Variants in DGKI observed in about 807,000 individuals in gnomAD.
DGKI encodes the protein DAG kinase iota.
A neutral mutation model predicts 147.5 loss-of-function variants in DGKI; 55 were observed. That is an observed-to-expected ratio of 0.37 (90% CI 0.30 to 0.47). The LOEUF is 0.47. Among genes scored for constraint, DGKI ranks in the 20% least tolerant of loss-of-function variants. DGKI has a pLI of 1.00. For synonymous variants in DGKI, 469 were observed against 477.1 expected, an observed-to-expected ratio of 0.98 and a Z score of 0.22; for missense variants, 1,007 against 1,323.8, an observed-to-expected ratio of 0.76 and a Z score of 3.71.
intron 1 of DGKI, among the ~76,000 whole-genome samples, chr7:137,740,762 C>T (rs79228827): frequency 0.012 from 1,880 of 152,312 alleles, 52 homozygotes; most frequent in African/African-American, 0.042. Context: ...ATGCTCAGCA[C>T]ATGACTATAA....
chr7:137,389,970 T>C lies in DGKI; in HGVS notation c.*1250A>G, dbSNP rs1415792494. ...GAATGATCCAGGCATCCCATAAATC[T>C]GGCAGTGGAACTCATACAACAAGCC... On this transcript the variant is annotated 3_prime_UTR_variant, in exon 33 of 33. Coordinates refer to ENST00000614521, the MANE Select transcript of DGKI (RefSeq NM_001321708.2). 2.0e-5 allele frequency: 3 copies of C among 152,198 alleles called. No individual in the cohort carries two copies. The highest frequency in any genetic ancestry group is 4.4e-5 in the Non-Finnish European group (3 of 68,042). 9.4% of individuals were successfully genotyped at this position (152,198 alleles called of 1,614,324 possible). A position where few individuals can be genotyped will look rare whatever the true frequency, so the allele number is the denominator to read the frequency against.
rs575373021 is a variant in DGKI at position 137,558,679 on chromosome 7, T to C, written c.1948-6111A>G. 6.9e-4 allele frequency among the ~76,000 whole-genome samples: 84 copies of C among 121,444 alleles called. 2 individuals carry two copies. The highest frequency in any genetic ancestry group is 3.3e-3 in the African/African-American group (81 of 24,778). 79.7% of individuals were successfully genotyped at this position (121,444 alleles called of 152,430 possible). A position where few individuals can be genotyped will look rare whatever the true frequency, so the allele number is the denominator to read the frequency against. ...TATTGTCCACACTAATAAATATTTA[T>C]AGCAAAAATAATTCGATAAATTCAG... On this transcript the variant is annotated intron_variant, in intron 19 of 32. Transcript: ENST00000614521.
intron 1 of DGKI, among the ~76,000 whole-genome samples, chr7:137,817,415 C>T (rs556958284): frequency 2.8e-4 from 43 of 152,244 alleles, no homozygotes; most frequent in Non-Finnish European, 5.7e-4. Flanking sequence ...GATATATATA[C>T]CTATAACTCT....
In DGKI at chr7:137,576,004, G is replaced by T. The variant is rs1585247089; in HGVS notation, c.1761+1218C>A. On this transcript the variant is annotated intron_variant, in intron 17 of 32. Coordinates refer to ENST00000614521, the MANE Select transcript of DGKI (RefSeq NM_001321708.2). ...TTCTCTATTTTCATGTATATATTTT[G>T]TTCTGTTCTCTCTTGTCAAAATTAA... Among the ~76,000 whole-genome samples the T allele has an allele frequency of 4.2e-5, 6 of 143,578 alleles. No homozygotes were observed. The South Asian group carries it at 6.8e-4, about 16-fold the overall frequency. 94.2% of individuals were successfully genotyped at this position (143,578 alleles called of 152,430 possible).
At chr7:137,619,796 C>T in intron 8 of DGKI, 28 bp downstream of exon 8, 1 of 1,559,428 alleles carries the variant, frequency 6.4e-7, no homozygotes, top group African/African-American at 1.4e-5. Flanking sequence ...CTGCACTGGC[C>T]CAGCAGCACC....
chr7:137,764,180 G>A (rs1446049348), intron 1 of DGKI, among the ~76,000 whole-genome samples: 2 of 151,994 alleles, frequency 1.3e-5, no homozygotes, highest in Non-Finnish European at 2.9e-5. Context: ...ATTCCTTAAA[G>A]TGCCCCTCCC....
chr7:137,517,237 G>A (rs1179741575), intron 21 of DGKI, among the ~76,000 whole-genome samples: 1 of 103,870 alleles, frequency 9.6e-6, no homozygotes, highest in Non-Finnish European at 1.9e-5. Flanking sequence ...AAGAAAGAAA[G>A]AAAGAAAGAA....
intron 7 of DGKI, among the ~76,000 whole-genome samples, chr7:137,621,544 G>A (rs75654375): frequency 0.014 from 2,180 of 152,272 alleles, 107 homozygotes; most frequent in East Asian, 0.11. Flanking sequence ...TATCCTAGAA[G>A]GGGTTCACCT....
chr7:137,600,338 G>A (rs1167607701), intron 10 of DGKI, among the ~76,000 whole-genome samples: 1 of 152,036 alleles, frequency 6.6e-6, no homozygotes, highest in Non-Finnish European at 1.5e-5. Flanking sequence ...TTAAAATCAC[G>A]GGCTTTGGTC....
At chr7:137,804,815 T>C (rs1029034833) in intron 1 of DGKI, among the ~76,000 whole-genome samples, 1 of 152,216 alleles carries the variant, frequency 6.6e-6, no homozygotes, top group Admixed American at 6.5e-5. Context: ...ATAAAATTTC[T>C]ATCTATTTAG....
chr7:137,844,843 G>A (rs1798662430), intron 1 of DGKI, among the ~76,000 whole-genome samples: 1 of 152,172 alleles, frequency 6.6e-6, no homozygotes, highest in South Asian at 2.1e-4. Context: ...TGAGGACTCT[G>A]ATGAATACCA....
intron 1 of DGKI, among the ~76,000 whole-genome samples, chr7:137,746,468 G>C (rs1795336182): frequency 6.6e-6 from 1 of 152,150 alleles, no homozygotes; most frequent in African/African-American, 2.4e-5. Flanking sequence ...TCAGAGACAG[G>C]GAGCCAAGCC....
chr7:137,599,673 T>C, intron 11 of DGKI, 150 bp downstream of exon 11: 1 of 621,466 alleles, frequency 1.6e-6, no homozygotes, highest in Non-Finnish European at 2.8e-6. Context: ...GGAGAGAACT[T>C]TGGATGAAGT....
At chr7:137,510,384 C>CA (rs1816539867) in intron 21 of DGKI, among the ~76,000 whole-genome samples, 1 of 152,186 alleles carries the variant, frequency 6.6e-6, no homozygotes, top group African/African-American at 2.4e-5. Flanking sequence ...GAGGTCCTAG[C>CA]ATGCCCTTGA....
chr7:137,661,955 C>T (rs1822450988), intron 3 of DGKI, among the ~76,000 whole-genome samples: 1 of 152,178 alleles, frequency 6.6e-6, no homozygotes, highest in Non-Finnish European at 1.5e-5. Context: ...CTGTATAATC[C>T]AAGGTAAATG....
intron 11 of DGKI, 109 bp downstream of exon 11, chr7:137,599,714 T>C (rs1819920043): frequency 2.2e-6 from 2 of 916,656 alleles, no homozygotes; most frequent in Admixed American, 1.9e-5. Context: ...GGTGAGAAGG[T>C]AGATGACAGA....
Position 137,788,639 on chromosome 7 carries a change from CACACACACACACACACACACACACAT to C in DGKI, c.401+57797_401+57822del, listed in dbSNP as rs945475081. Among the ~76,000 whole-genome samples the C allele has an allele frequency of 3.7e-3, 237 of 63,544 alleles. 2 individuals carry two copies. Among genetic ancestry groups the C allele is most frequent in the African/African-American group, 0.017 (215 of 12,716 alleles). 41.7% of individuals were successfully genotyped at this position (63,544 alleles called of 152,430 possible). ...CTGCATACCCAAACCCATAAATACA[CACACACACACACACACACACACACAT>C]ACACACACACACACACCTCCATCCC... On this transcript the variant is annotated intron_variant, in intron 1 of 32. Transcript: ENST00000614521.
chr7:137,529,785 G>A (rs922504217), intron 20 of DGKI, among the ~76,000 whole-genome samples: 8 of 151,894 alleles, frequency 5.3e-5, no homozygotes, highest in East Asian at 1.9e-4. Context: ...TGCTCTTGTC[G>A]CCCACCCAGG....
chr7:137,433,310 A>G (rs1813151206), intron 28 of DGKI, among the ~76,000 whole-genome samples: 1 of 152,198 alleles, frequency 6.6e-6, no homozygotes, highest in African/African-American at 2.4e-5. Flanking sequence ...AACAGTGACA[A>G]CACATTCTAA....
Sources: allele counts gnomAD v4.1 joint callset (sites outside exome capture counted in the v4.1 genomes callset), GRCh38; gene constraint gnomAD v4.1.1; transcripts MANE v1.5; gene names NCBI Gene and HGNC (gene_info 2026-07-23, HGNC 2026-07-21).